MYO15A: variants seen among roughly 807,000 people sequenced by gnomAD.
The protein encoded by MYO15A is myosin XVA.
In MYO15A, 308 loss-of-function variants were observed where a neutral mutation model predicts 394.6. That is an observed-to-expected ratio of 0.78 (90% CI 0.71 to 0.86). The LOEUF is 0.86. MYO15A is among the 40% of genes least tolerant of loss of function. MYO15A has a pLI of 0.00. For missense variants in MYO15A, 4,606 were observed against 4,799.1 expected, an observed-to-expected ratio of 0.96 and a Z score of 1.19; for synonymous variants, 1,957 against 2,003.8, an observed-to-expected ratio of 0.98 and a Z score of 0.62.
At chr17:18,172,647 A>T (rs73288238) in intron 64 of MYO15A, 4,633 of 364,672 alleles carry the variant, frequency 0.013, 212 homozygotes, top group African/African-American at 0.089. Flanking sequence ...TCCAAGGTCA[A>T]GGTGTCAGCA....
At chr17:18,165,945 C>A (rs2046847508) in intron 60 of MYO15A, among the ~76,000 whole-genome samples, 1 of 152,218 alleles carries the variant, frequency 6.6e-6, no homozygotes, top group Non-Finnish European at 1.5e-5. Context: ...AAGGCACCCA[C>A]TGGGTCTCAT....
In MYO15A at chr17:18,151,147, G is replaced by T. The variant is rs1567652825; in HGVS notation, c.7511G>T (p.Gly2504Val). 1 of 1,613,944 alleles carries T rather than the reference G, an allele frequency of 6.2e-7. No homozygotes were observed. Among genetic ancestry groups the T allele is most frequent in the Non-Finnish European group, 8.5e-7 (1 of 1,179,996 alleles). The part of the protein sequence containing the change: ...PAPEAQPTSV[G>V]TGPPAKPVLL... ...CCAGAGGCACAGCCGACGTCTGTAG[G>T]CACCGGTCCCCCTGCCAAACCCGTG... Residue 2504 changes from glycine (G) to valine (V), a missense_variant, in exon 39 of 66, where the codon GGC becomes GTC. Gly to Val is a moderately radical substitution (Grantham distance 109). This residue lies in a region of MYO15A where 2,776 missense variants were observed against 3,109.3 expected (regional missense o/e 0.89). Coordinates refer to ENST00000647165, the MANE Select transcript of MYO15A (RefSeq NM_016239.4).
intron 42 of MYO15A, 57 bp downstream of exon 42, chr17:18,152,241 G>C: frequency 4.6e-6 from 7 of 1,507,394 alleles, no homozygotes; most frequent in Non-Finnish European, 6.3e-6. Flanking sequence ...GGAAGTCTGT[G>C]GGCACAGGTG....
rs772622677 is a variant in MYO15A, at chr17:18,132,753, G to A, written c.4320+187G>A. ...ACCAGGAGTCTTCTGGGTCCAAAGCGGAAGCAGGAAAGGCCTACCTGACTT... is the reference window on the plus strand; with the variant it reads ...ACCAGGAGTCTTCTGGGTCCAAAGCAGAAGCAGGAAAGGCCTACCTGACTT... On this transcript the variant is annotated intron_variant, in intron 11 of 65. Transcript: ENST00000647165. The surrounding 1 kb of genome is among the most constrained non-coding windows in gnomAD (Gnocchi z 4.6). 3.9e-5 allele frequency among the ~76,000 whole-genome samples: 6 copies of A among 152,162 alleles called. No homozygotes were observed. Among genetic ancestry groups the A allele is most frequent in the Admixed American group, 1.3e-4 (2 of 15,276 alleles).
At position 18,121,301 on chromosome 17, in the gene MYO15A, G is replaced by A; in HGVS notation, c.2501G>A (p.Gly834Asp). Residue 834 changes from glycine (G) to aspartate (D), a missense_variant, in exon 2 of 66, where the codon GGC becomes GAC. Transcript: ENST00000647165. This position sits in a 1 kb window ranked among gnomAD's most constrained non-coding sequence, Gnocchi z 5.3. ...CCACGCCGAGCCGCTGGGCGCCTGGGCCCACCCGGCTCGCCGCTGCCGGGC... is the reference window on the plus strand; with the variant it reads ...CCACGCCGAGCCGCTGGGCGCCTGGACCCACCCGGCTCGCCGCTGCCGGGC... ...PAPRRAAGRL[G>D]PPGSPLPGSP... is the part of the protein sequence containing the mutation. The A allele has an allele frequency of 1.5e-6, 2 of 1,332,688 alleles. No individual in the cohort carries two copies. The highest frequency in any genetic ancestry group is 4.0e-5 in the Admixed American group (1 of 24,740). The allele number at this position is 1,332,688 out of a possible 1,614,324, so 82.6% of individuals were successfully genotyped here.
chr17:18,158,051 G>C (rs1011326963), intron 51 of MYO15A, 151 bp downstream of exon 51: 2 of 1,199,210 alleles, frequency 1.7e-6, no homozygotes, highest in Non-Finnish European at 2.3e-6. Context: ...GGTGAACCAG[G>C]TAGAGTGAGC....
chr17:18,124,735 C>A, intron 3 of MYO15A, 170 bp downstream of exon 3: 1 of 682,950 alleles, frequency 1.5e-6, no homozygotes, highest in Non-Finnish European at 2.5e-6. Context: ...GTTAGACGGA[C>A]TTTGGTTCAA....
intron 1 of MYO15A, among the ~76,000 whole-genome samples, chr17:18,111,341 GAAAAAAAAAAAAAAAA>G (rs57095827): frequency 1.7e-5 from 2 of 119,002 alleles, no homozygotes; most frequent in African/African-American, 3.1e-5. Context: ...TCTCAAAAGA[GAAAAAAAAAAAAAAAA>G]AAAAAAAAAC....
chr17:18,139,649 G>A lies in MYO15A; in HGVS notation c.5211+38G>A, dbSNP rs1567642600. On this transcript the variant is annotated intron_variant, in intron 19 of 65. Coordinates refer to ENST00000647165, the MANE Select transcript of MYO15A (RefSeq NM_016239.4). ...TCCCACCGCTCTGGCCCTGCCCCCAGGCATGTCCCCACCCCCACACCCAGC... is the reference window on the plus strand; with the variant it reads ...TCCCACCGCTCTGGCCCTGCCCCCAAGCATGTCCCCACCCCCACACCCAGC... The A allele has an allele frequency of 8.7e-6, 14 of 1,609,908 alleles. No individual in the cohort carries two copies. The East Asian group carries it at 8.9e-5, about 10-fold the overall frequency.
At chr17:18,138,363 G>C in intron 17 of MYO15A, 117 bp downstream of exon 17, 1 of 1,341,330 alleles carries the variant, frequency 7.5e-7, no homozygotes, top group Non-Finnish European at 1.0e-6. Flanking sequence ...GCAGTGGGGG[G>C]TTGGGACACC....
chr17:18,159,891 C>A, intron 55 of MYO15A, 44 bp from the exon 56 acceptor site: 1 of 1,598,742 alleles, frequency 6.3e-7, no homozygotes, highest in Non-Finnish European at 8.6e-7. Flanking sequence ...TATGACATAG[C>A]CCCTCACATG....
At chr17:18,136,339 A>T in intron 13 of MYO15A, 78 bp from the exon 14 acceptor site, 1 of 1,557,562 alleles carries the variant, frequency 6.4e-7, no homozygotes, top group South Asian at 1.1e-5. Flanking sequence ...CCATGATCCC[A>T]CTCCCTTAGT....
Position 18,147,642 on chromosome 17 carries a change from C to T in MYO15A, c.6510-387C>T, listed in dbSNP as rs990226512. Among the ~76,000 whole-genome samples the T allele has an allele frequency of 6.6e-6, 1 of 152,146 alleles. No individual in the cohort carries two copies. The highest frequency in any genetic ancestry group is 1.5e-5 in the Non-Finnish European group (1 of 68,036). On this transcript the variant is annotated intron_variant, in intron 30 of 65. Transcript: ENST00000647165. This position sits in a 1 kb window ranked among gnomAD's most constrained non-coding sequence, Gnocchi z 4.4. ...ATGGAGACAGAGTTCTGGTTGTTGC[C>T]CACACCCAGCTGCAGACCCCAGCCT... is the stretch of plus-strand genomic sequence containing the variant.
intron 65 of MYO15A, chr17:18,178,265 G>A: frequency 4.0e-6 from 1 of 247,072 alleles, no homozygotes; most frequent in Non-Finnish European, 8.2e-6. Flanking sequence ...AGCTACTCGG[G>A]AGGCTGAGGC....
rs73980808 is a variant in MYO15A at position 18,159,376 on chromosome 17, C to G, written c.9229+29C>G. ...TGGGAGTGGGACTGCAGCCAGGGCT[C>G]TGGGCTAGGTGGGATCCAGCACTGT... On this transcript the variant is annotated intron_variant, in intron 54 of 65. Coordinates refer to ENST00000647165, the MANE Select transcript of MYO15A (RefSeq NM_016239.4). The G allele has an allele frequency of 4.9e-4, 788 of 1,612,768 alleles. 4 individuals are homozygous for G. In the African/African-American group the frequency reaches 8.5e-3, roughly 17 times the overall value.
At chr17:18,154,990 T>G in intron 45 of MYO15A, 120 bp from the exon 46 acceptor site, 1 of 1,054,026 alleles carries the variant, frequency 9.5e-7, no homozygotes, top group Non-Finnish European at 1.4e-6. Context: ...AGTTTTCTAG[T>G]ATAGACACTG....
chr17:18,141,903 A>G, intron 23 of MYO15A, 133 bp downstream of exon 23: 1 of 1,195,904 alleles, frequency 8.4e-7, no homozygotes, highest in Non-Finnish European at 1.2e-6. Context: ...ATGGAATGCT[A>G]ACTACCTGAT....
At chr17:18,149,040 C>A in intron 33 of MYO15A, 88 bp downstream of exon 33, 1 of 1,509,534 alleles carries the variant, frequency 6.6e-7, no homozygotes, top group Non-Finnish European at 9.0e-7. Flanking sequence ...CCCCTCCCAG[C>A]TGCTGGGACA....
intron 2 of MYO15A, 86 bp from the exon 3 acceptor site, chr17:18,124,397 C>A (rs1385943395): frequency 7.2e-7 from 1 of 1,391,866 alleles, no homozygotes; most frequent in Non-Finnish European, 1.0e-6. Context: ...ACAATGGTAG[C>A]AGGCCCCAGG....
Sources: gnomAD v4.1 joint callset for allele counts (sites outside exome capture counted in the v4.1 genomes callset) on GRCh38, gnomAD v4.1.1 for gene constraint, gnomAD v4.1.1 regional missense constraint, Gnocchi (gnomAD v3.1) non-coding constraint, MANE v1.5 for transcripts, NCBI Gene and HGNC (gene_info 2026-07-23, HGNC 2026-07-21) for gene names.